NLRC5: variants seen among roughly 807,000 people sequenced by gnomAD.
The protein encoded by NLRC5 is NLR family CARD domain containing 5, also known as protein NLRC5.
In NLRC5, 114 loss-of-function variants were observed where a neutral mutation model predicts 206.9. That is an observed-to-expected ratio of 0.55 (90% confidence interval 0.47 to 0.64). NLRC5 has a LOEUF of 0.64. NLRC5 is among the 30% of genes least tolerant of loss of function. The probability of loss-of-function intolerance (pLI) is 0.00; values close to 1 mark genes in which losing one functional copy is unlikely to be tolerated. For missense variants in NLRC5, 2,008 were observed against 2,305.5 expected (o/e 0.87, Z 2.64); for synonymous variants, 952 against 962.8 (o/e 0.99, Z 0.21).
Position 57,034,218 on chromosome 16 carries a change from T to C in NLRC5, c.2594T>C (p.Leu865Pro). The change falls in exon 13 of 49, where the codon CTG (leucine) becomes CCG (proline). Residue 865 changes from leucine (L) to proline (P), a missense_variant. Physicochemically the swap from Leu to Pro is moderately conservative, Grantham distance 98 (BLOSUM62 -3). Transcript: ENST00000688547. ...CACGATGCGGAGGCCCTCATAGCCC[T>C]GCTCCAGGAAGGCCCTCACCTGGAG... The part of the protein sequence containing the change: ...QVHDAEALIA[L>P]LQEGPHLEEV... 6.2e-7 allele frequency: 1 copy of C among 1,613,756 alleles called. No individual in the cohort carries two copies. Among genetic ancestry groups the C allele is most frequent in the Non-Finnish European group, 8.5e-7 (1 of 1,179,808 alleles).
chr16:57,026,106 G>A lies in NLRC5; in HGVS notation c.1163G>A (p.Gly388Glu). The A allele has an allele frequency of 1.2e-6, 2 of 1,614,102 alleles. No individual in the cohort carries two copies. Among genetic ancestry groups the A allele is most frequent in the Non-Finnish European group, 1.7e-6 (2 of 1,180,030 alleles). Reference sequence around the variant, plus strand: ...TTCAGCGCCCAGCCATCGCGGGAGGGGGCCCTGGTGGAGTTACAGACAAAT... The same window carrying A: ...TTCAGCGCCCAGCCATCGCGGGAGGAGGCCCTGGTGGAGTTACAGACAAAT... Reference protein sequence around the residue: ...HFFSAQPSREGALVELQTNGR... With the variant: ...HFFSAQPSREEALVELQTNGR... The change falls in exon 6 of 49, where the codon GGG becomes GAG. Residue 388 changes from glycine (G) to glutamate (E), a missense_variant. Gly to Glu is a moderately conservative substitution (Grantham distance 98). Coordinates refer to ENST00000688547, the MANE Select transcript of NLRC5 (RefSeq NM_001384950.1).
At chr16:57,027,495 C>A (rs574247983) in intron 6 of NLRC5, among the ~76,000 whole-genome samples, 35 of 152,202 alleles carry the variant, frequency 2.3e-4, no homozygotes, top group Admixed American at 5.9e-4. Flanking sequence ...GGCTAGGCTG[C>A]AGTAACAGAG....
chr16:57,002,843 C>T (rs1020556399), intron 1 of NLRC5, among the ~76,000 whole-genome samples: 5 of 152,030 alleles, frequency 3.3e-5, no homozygotes, highest in Non-Finnish European at 7.4e-5. Context: ...CAGGGTTTCA[C>T]CATGTTGGCG....
At chr16:57,061,225 T>G (rs1212191710) in intron 30 of NLRC5, among the ~76,000 whole-genome samples, 2 of 152,172 alleles carry the variant, frequency 1.3e-5, no homozygotes, top group Non-Finnish European at 2.9e-5. Flanking sequence ...CCTAAATAAC[T>G]TACTCCTAAT....
intron 39 of NLRC5, 38 bp downstream of exon 39, chr16:57,074,721 GAAACA>G: frequency 5.0e-6 from 8 of 1,588,212 alleles, no homozygotes; most frequent in Non-Finnish European, 6.9e-6. Context: ...TGAGTGGGAA[GAAACA>G]CTTCCCACTC....
chr16:56,996,008 A>G (rs572848280), intron 1 of NLRC5, among the ~76,000 whole-genome samples: 34 of 152,168 alleles, frequency 2.2e-4, no homozygotes, highest in Non-Finnish European at 4.6e-4. Flanking sequence ...AGACTAGTGA[A>G]AGAGAAAGCC....
chr16:57,037,086 T>A, intron 14 of NLRC5, 109 bp from the exon 15 acceptor site: 1 of 904,666 alleles, frequency 1.1e-6, no homozygotes, highest in Non-Finnish European at 1.8e-6. Flanking sequence ...ACCTAGGACA[T>A]CCAGGAGTGA....
intron 46 of NLRC5, 57 bp downstream of exon 46, chr16:57,079,686 G>A (rs1450248031): frequency 2.3e-5 from 34 of 1,477,364 alleles, no homozygotes; most frequent in East Asian, 1.8e-4. Context: ...GGGAGGGGTC[G>A]GGGGAGTTGG....
Position 57,067,397 on chromosome 16 carries a change from T to G in NLRC5, c.4333T>G (p.Cys1445Gly). 1.2e-6 allele frequency: 2 copies of G among 1,614,232 alleles called. No homozygotes were observed. Among genetic ancestry groups the G allele is most frequent in the Non-Finnish European group, 1.7e-6 (2 of 1,180,004 alleles). Reference sequence around the variant, plus strand: ...CCTGTCTGTGTCCAGGTTGGCTCACTGTGACCTTGGAGCCCACCACAGCCT... The same window carrying G: ...CCTGTCTGTGTCCAGGTTGGCTCACGGTGACCTTGGAGCCCACCACAGCCT... ...PEAVALRLAH[C>G]DLGAHHSLLV... is the part of the protein sequence containing the mutation. Residue 1445 changes from cysteine to glycine, a missense_variant, in exon 35 of 49, where the codon TGT becomes GGT. Coordinates refer to ENST00000688547, the MANE Select transcript of NLRC5 (RefSeq NM_001384950.1).
chr16:57,077,900 T>G (rs1359164302), intron 42 of NLRC5, 43 bp from the exon 43 acceptor site: 10 of 1,609,672 alleles, frequency 6.2e-6, no homozygotes, highest in Non-Finnish European at 8.5e-6. Context: ...GGGTCCCGAG[T>G]GGGCAGGCCC....
intron 21 of NLRC5, 85 bp downstream of exon 21, chr16:57,045,577 C>A: frequency 7.4e-7 from 1 of 1,347,428 alleles, no homozygotes; most frequent in Non-Finnish European, 1.1e-6. Flanking sequence ...CAGACCCATG[C>A]TGACCACTCA....
Position 57,026,303 on chromosome 16 carries a change from A to G in NLRC5, c.1360A>G (p.Thr454Ala). 1 of 1,613,906 alleles carries G rather than the reference A, an allele frequency of 6.2e-7. No individual in the cohort carries two copies. The highest frequency in any genetic ancestry group is 8.5e-7 in the Non-Finnish European group (1 of 1,180,006). The change falls in exon 6 of 49, where the codon ACC becomes GCC. Residue 454 changes from threonine to alanine, a missense_variant. By Grantham distance (58) the Thr-to-Ala change is moderately conservative. Coordinates refer to ENST00000688547, the MANE Select transcript of NLRC5 (RefSeq NM_001384950.1). The part of the protein sequence containing the change: ...LALSPPGHLP[T>A]SSLLDLGEVA... ...CCTCAGCCCCCCTGGGCACTTGCCC[A>G]CCTCGTCCCTACTGGACCTGGGGGA...
chr16:56,992,426 C>T (rs2057010808), intron 1 of NLRC5: 1 of 151,934 alleles, frequency 6.6e-6, no homozygotes, highest in Non-Finnish European at 1.5e-5. Flanking sequence ...AGGATGTGAG[C>T]CAGATTTGTT....
At chr16:57,078,750 C>T (rs570651310) in intron 43 of NLRC5, among the ~76,000 whole-genome samples, 5 of 152,268 alleles carry the variant, frequency 3.3e-5, no homozygotes, top group African/African-American at 9.6e-5. Flanking sequence ...GGATTACAGG[C>T]GTGAGCCACC....
rs185992391 is a variant in NLRC5, at chr16:57,053,825, G to A, written c.3507-926G>A. Among the ~76,000 whole-genome samples the A allele has an allele frequency of 9.2e-3, 1,396 of 152,268 alleles. 8 individuals are homozygous for A. Among genetic ancestry groups the A allele is most frequent in the Non-Finnish European group, 0.016 (1,105 of 68,032 alleles). On this transcript the variant is annotated intron_variant, in intron 24 of 48. Transcript: ENST00000688547. Reference sequence around the variant, plus strand: ...ATTACAGGCAGGAGCCACTGCACCCGTTCCTCATTTGGGTTTTCAAAAGTT... The same window carrying A: ...ATTACAGGCAGGAGCCACTGCACCCATTCCTCATTTGGGTTTTCAAAAGTT...
chr16:57,035,737 G>C (rs1343766998), intron 13 of NLRC5, among the ~76,000 whole-genome samples: 1 of 152,232 alleles, frequency 6.6e-6, no homozygotes, highest in Non-Finnish European at 1.5e-5. Flanking sequence ...GCAGCATAAA[G>C]GAAGAGTTGA....
chr16:57,046,757 T>A, intron 22 of NLRC5, 116 bp downstream of exon 22: 1 of 837,090 alleles, frequency 1.2e-6, no homozygotes, highest in Non-Finnish European at 1.9e-6. Context: ...GAGAGGGAGT[T>A]TAAGAGAAAA....
Position 57,051,509 on chromosome 16 carries a change from C to T in NLRC5, c.3423-29C>T, listed in dbSNP as rs1418163969. 2.5e-6 allele frequency: 4 copies of T among 1,573,568 alleles called. No homozygotes were observed. In the South Asian group the frequency reaches 3.3e-5, roughly 13 times the overall value. On this transcript the variant is annotated intron_variant, in intron 23 of 48. Transcript: ENST00000688547. Reference sequence around the variant, plus strand: ...TCCCTGCTTTCCTGGAAGGTTTCCCCCACCTCATCCACCTGCTTTGTTTCA... The same window carrying T: ...TCCCTGCTTTCCTGGAAGGTTTCCCTCACCTCATCCACCTGCTTTGTTTCA...
chr16:57,081,373 C>T, intron 47 of NLRC5, 154 bp from the exon 48 acceptor site: 2 of 873,710 alleles, frequency 2.3e-6, no homozygotes, highest in South Asian at 3.1e-5. Context: ...GCTGCACCTG[C>T]CACCAGTCCC....
Sources: allele counts gnomAD v4.1 joint callset (sites outside exome capture counted in the v4.1 genomes callset), GRCh38; gene constraint gnomAD v4.1.1; transcripts MANE v1.5; gene names NCBI Gene and HGNC (gene_info 2026-07-23, HGNC 2026-07-21).